Variants in TCP1 observed in about 807,000 individuals in gnomAD.
TCP1 encodes the protein T-complex protein 1 subunit alpha.
A neutral mutation model predicts 54.7 loss-of-function variants in TCP1; 6 were observed. The observed-to-expected ratio is 0.11, with a 90% confidence interval of 0.06 to 0.22. The LOEUF (loss-of-function observed/expected upper bound fraction) is 0.22. Ranked by LOEUF, TCP1 falls within the 10% of genes least tolerant of loss-of-function variation. The pLI is 1.00. For missense variants in TCP1, 511 were observed against 678.2 expected (o/e 0.75, Z 2.74); for synonymous variants, 225 against 229.7 (o/e 0.98, Z 0.19).
At chr6:159,783,094 A>G (rs1228830593) in intron 7 of TCP1, among the ~76,000 whole-genome samples, 1 of 152,230 alleles carries the variant, frequency 6.6e-6, no homozygotes, top group African/African-American at 2.4e-5. Context: ...ACAAGGATGT[A>G]TGAAGAAGCT....
At chr6:159,786,719 A>G (rs971147985) in intron 3 of TCP1, among the ~76,000 whole-genome samples, 2 of 152,254 alleles carry the variant, frequency 1.3e-5, no homozygotes, top group African/African-American at 4.8e-5. Context: ...TTTCATGGCT[A>G]AAGTTTAATC....
chr6:159,785,177 C>T (rs953703131), intron 5 of TCP1: 7 of 608,144 alleles, frequency 1.2e-5, no homozygotes, highest in Admixed American at 9.1e-5. Context: ...CTACTACGCA[C>T]GCGTGCGCGC....
At chr6:159,781,135 G>A (rs2295899) in intron 7 of TCP1, 25 bp from the exon 8 acceptor site, 842,983 of 1,536,860 alleles carry the variant, frequency 0.55, 237,041 homozygotes, top group Admixed American at 0.61. Flanking sequence ...TGTAACCTGA[G>A]TTACCTTCTG....
intron 4 of TCP1, 120 bp downstream of exon 4, chr6:159,785,780 G>A: frequency 2.2e-6 from 2 of 899,116 alleles, no homozygotes; most frequent in Non-Finnish European, 1.8e-6. Flanking sequence ...CTACTTAAAT[G>A]CTAAAACATT....
chr6:159,788,541 C>G (rs573977009), intron 1 of TCP1: 1 of 163,816 alleles, frequency 6.1e-6, no homozygotes, highest in African/African-American at 2.4e-5. Context: ...ACAAAGCGAG[C>G]CTATTTGGCA....
At position 159,785,510 on chromosome 6, in the gene TCP1, T is replaced by TG. The variant is rs758478345; in HGVS notation, c.378-15dup. 1.3e-6 allele frequency: 2 copies of TG among 1,596,642 alleles called. No individual in the cohort carries two copies. Among genetic ancestry groups the TG allele is most frequent in the Admixed American group, 1.7e-5 (1 of 59,996 alleles). ...CGCACTGCTTCCCTGTTTAAAAGTG[T>TG]GGGGGAGAAAAACGCTTATAAAGTC... On this transcript the variant is annotated splice_polypyrimidine_tract_variant and intron_variant, in intron 4 of 11. Transcript: ENST00000321394.
Position 159,785,984 on chromosome 6 carries a change from G to A in TCP1, c.293C>T (p.Ala98Val). The change falls in exon 4 of 12, where the codon GCA (alanine) becomes GTA (valine). Residue 98 changes from alanine to valine, a missense_variant. Around this residue, in one of 5 missense-constraint regions of TCP1, gnomAD observed 54 missense variants for 111.8 expected, o/e 0.48. Transcript: ENST00000321394. ...TTCATCTGCATTTTTTAGGAGTTCT[G>A]CTGCAATAATAACCTGTTGAGAAAA... ...DGTTSVVIIAAELLKNADELV... is the reference protein window; with the variant it reads ...DGTTSVVIIAVELLKNADELV... 6.2e-7 allele frequency: 1 copy of A among 1,613,560 alleles called. No individual in the cohort carries two copies.
intron 6 of TCP1, 109 bp downstream of exon 6, chr6:159,784,557 G>A (rs1780649910): frequency 6.0e-6 from 7 of 1,160,066 alleles, no homozygotes; most frequent in Non-Finnish European, 7.3e-6. Flanking sequence ...ACCTGACTCA[G>A]CCTCCCAAAG....
chr6:159,785,572 A>G, intron 4 of TCP1, 76 bp from the exon 5 acceptor site: 1 of 1,167,188 alleles, frequency 8.6e-7, no homozygotes, highest in Non-Finnish European at 1.3e-6. Context: ...TGCTTAACAC[A>G]GAGCCAAAAT....
intron 7 of TCP1, among the ~76,000 whole-genome samples, chr6:159,783,526 G>C (rs910795528): frequency 3.3e-5 from 5 of 151,968 alleles, no homozygotes; most frequent in Middle Eastern, 3.4e-3. Context: ...TTACAGGCAT[G>C]AGCCACTGTG....
At position 159,789,483 on chromosome 6, in the gene TCP1, T is replaced by C. The variant is rs891102785; in HGVS notation, c.-15A>G. 6.2e-7 allele frequency: 1 copy of C among 1,613,752 alleles called. No homozygotes were observed. The highest frequency in any genetic ancestry group is 8.5e-7 in the Non-Finnish European group (1 of 1,179,824). On this transcript the variant is annotated 5_prime_UTR_variant, in exon 1 of 12. Coordinates refer to ENST00000321394, the MANE Select transcript of TCP1 (RefSeq NM_030752.3). ...GGCCCCTCCATCTTGACGGCAGCGA[T>C]ACACGTCGAATTCTGCTTACACCGC...
intron 11 of TCP1, 152 bp from the exon 12 acceptor site, chr6:159,779,413 T>G (rs1780517755): frequency 2.1e-6 from 2 of 962,168 alleles, no homozygotes; most frequent in Non-Finnish European, 1.5e-6. Flanking sequence ...AGGGAGAGAT[T>G]AGCAATCACA....
chr6:159,787,135 C>T (rs1440288028), intron 3 of TCP1, among the ~76,000 whole-genome samples: 1 of 151,548 alleles, frequency 6.6e-6, no homozygotes, highest in African/African-American at 2.4e-5. Flanking sequence ...TGCCTGCAAT[C>T]CCAAGCACTC....
chr6:159,789,092 TGGCCCGCACGTGCGAGCCCGGGA>T (rs1780779602), intron 1 of TCP1: 2 of 411,948 alleles, frequency 4.9e-6, no homozygotes, highest in Admixed American at 3.9e-5. Context: ...GTGCGAGGCG[TGGCCCGCACGTGCGAGCCCGGGA>T]GGCCCGCTTT....
At chr6:159,787,677 T>C (rs764280069) in intron 3 of TCP1, 66 bp downstream of exon 3, 724 of 1,574,820 alleles carry the variant, frequency 4.6e-4, no homozygotes, top group Non-Finnish European at 6.1e-4. Flanking sequence ...GACCCACTTA[T>C]GGCTTCAACT....
rs1562481417 is a variant in TCP1 at position 159,779,050 on chromosome 6, C to T, written c.1666G>A (p.Asp556Asn). Residue 556 changes from aspartate to asparagine, a missense_variant, in exon 12 of 12, where the codon GAT becomes AAT. Physicochemically the swap from Asp to Asn is conservative, Grantham distance 23 (BLOSUM62 1). Transcript: ENST00000321394. ...TAAATAAAAGGAACATCAGATCAAT[C>T]ATTAAGGGCTCCAGAGTGAACAGCA... ...EDAVHSGALN[D>N] 5.0e-6 allele frequency: 8 copies of T among 1,612,868 alleles called. No individual in the cohort carries two copies. Among genetic ancestry groups the T allele is most frequent in the South Asian group, 1.1e-5 (1 of 90,996 alleles).
chr6:159,781,187 C>A (rs550512852), intron 7 of TCP1, 77 bp from the exon 8 acceptor site: 9 of 1,220,452 alleles, frequency 7.4e-6, no homozygotes, highest in Non-Finnish European at 1.0e-5. Flanking sequence ...GTATTTATCA[C>A]AAGATAATCA....
Position 159,783,973 on chromosome 6 carries a change from T to C in TCP1, c.765A>G (p.Thr255=). Residue 255 remains threonine, a synonymous_variant, in exon 7 of 12, where the codon ACA becomes ACG. Transcript: ENST00000321394. ...TAATTTGGTCCAGTTTTTCAGGGTC[T>C]GTAATGACCACCTGTACACCAAGCT... ...KMKLGVQVVI[T]DPEKLDQIRQ... is the part of the protein sequence containing the mutation. The C allele has an allele frequency of 6.2e-7, 1 of 1,611,914 alleles. No homozygotes were observed. The highest frequency in any genetic ancestry group is 1.3e-5 in the African/African-American group (1 of 74,966).
At position 159,780,582 on chromosome 6, in the gene TCP1, C is replaced by A; in HGVS notation, c.974-16G>T. ...AGAATAGTTGCTAATAAGAGAGTTA[C>A]AAAGGATCTGTGAATATTGCTCTTT... On this transcript the variant is annotated splice_polypyrimidine_tract_variant and intron_variant, in intron 8 of 11. Transcript: ENST00000321394. 1 of 1,607,532 alleles carries A rather than the reference C, an allele frequency of 6.2e-7. No homozygotes were observed. The highest frequency in any genetic ancestry group is 8.5e-7 in the Non-Finnish European group (1 of 1,178,118).
Sources: allele counts gnomAD v4.1 joint callset (sites outside exome capture counted in the v4.1 genomes callset), GRCh38; gene constraint gnomAD v4.1.1; regional missense constraint gnomAD v4.1.1; transcripts MANE v1.5; gene names NCBI Gene and HGNC (gene_info 2026-07-23, HGNC 2026-07-21).